The following GRIK1 variants were observed in gnomAD, a reference collection of about 807,000 sequenced individuals.
GRIK1 encodes the protein glutamate ionotropic receptor kainate type subunit 1, also known as glutamate receptor ionotropic, kainate 1.
GRIK1 carries 69 observed loss-of-function variants against 105.7 expected under a neutral mutation model. That is an observed-to-expected ratio of 0.65 (90% CI 0.54 to 0.80). GRIK1 has a LOEUF of 0.80. Among genes scored for constraint, GRIK1 ranks in the 30% least tolerant of loss-of-function variants. GRIK1 has a pLI of 0.00. For missense variants in GRIK1, 1,109 were observed against 1,167.3 expected, an observed-to-expected ratio of 0.95 and a Z score of 0.73; for synonymous variants, 438 against 431.3, an observed-to-expected ratio of 1.02 and a Z score of -0.19.
At chr21:29,837,888 G>GC (rs974898292) in intron 1 of GRIK1, among the ~76,000 whole-genome samples, 3 of 152,002 alleles carry the variant, frequency 2.0e-5, no homozygotes, top group African/African-American at 7.2e-5. Flanking sequence ...TCTATATTTT[G>GC]CCCCAAGAAA....
intron 13 of GRIK1, 57 bp downstream of exon 13, chr21:29,581,368 T>C (rs562486144): frequency 1.0e-6 from 1 of 988,648 alleles, no homozygotes; most frequent in Non-Finnish European, 1.6e-6. Context: ...TTTACCAGCA[T>C]GAAAGCCTGT....
chr21:29,856,257 C>T (rs1197772332), intron 1 of GRIK1, among the ~76,000 whole-genome samples: 3 of 152,072 alleles, frequency 2.0e-5, no homozygotes, highest in Non-Finnish European at 4.4e-5. Flanking sequence ...GAAGATGAAC[C>T]AGCAGAGGAG....
intron 1 of GRIK1, among the ~76,000 whole-genome samples, chr21:29,780,964 A>C (rs1381725004): frequency 1.3e-5 from 2 of 152,150 alleles, no homozygotes; most frequent in East Asian, 1.9e-4. Flanking sequence ...CCAACCCCTC[A>C]ACCTCAGATT....
At chr21:29,753,614 A>G (rs1381923062) in intron 1 of GRIK1, among the ~76,000 whole-genome samples, 1 of 152,250 alleles carries the variant, frequency 6.6e-6, no homozygotes, top group African/African-American at 2.4e-5. Context: ...AGAAATGGGA[A>G]CAAGAAACAG....
chr21:29,681,492 G>C (rs574048444), intron 3 of GRIK1, among the ~76,000 whole-genome samples: 1 of 152,158 alleles, frequency 6.6e-6, no homozygotes, highest in Non-Finnish European at 1.5e-5. Context: ...TGTTCTGTCT[G>C]ACTAGAACCG....
At chr21:29,886,560 CTG>C (rs1258281198) in intron 1 of GRIK1, among the ~76,000 whole-genome samples, 1 of 152,094 alleles carries the variant, frequency 6.6e-6, no homozygotes, top group Admixed American at 6.6e-5. Flanking sequence ...GTACAAGACA[CTG>C]TAGGGAATTA....
chr21:29,642,973 T>C lies in GRIK1; in HGVS notation c.955-4A>G, dbSNP rs2062544928. On this transcript the variant is annotated splice_region_variant and splice_polypyrimidine_tract_variant and intron_variant, in intron 6 of 17. Coordinates refer to ENST00000327783, the MANE Select transcript of GRIK1 (RefSeq NM_001330994.2). ...CGTACATCAGAGCCGCTTCAGTCTG[T>C]GGAGGAAAACACACACCGCATCTTA... 4.3e-6 allele frequency: 7 copies of C among 1,612,576 alleles called. No individual in the cohort carries two copies. Among genetic ancestry groups the C allele is most frequent in the Non-Finnish European group, 3.4e-6 (4 of 1,179,254 alleles).
intron 7 of GRIK1, among the ~76,000 whole-genome samples, chr21:29,633,124 A>T (rs912876899): frequency 6.6e-6 from 1 of 152,192 alleles, no homozygotes; most frequent in African/African-American, 2.4e-5. Flanking sequence ...CTTTTCCACC[A>T]TGTGGAAACA....
chr21:29,810,155 G>C (rs1024147176), intron 1 of GRIK1, among the ~76,000 whole-genome samples: 3 of 151,986 alleles, frequency 2.0e-5, no homozygotes, highest in Non-Finnish European at 4.4e-5. Flanking sequence ...AAATTAGCTG[G>C]GCATGGCAGC....
chr21:29,631,029 A>G (rs1262582906), intron 7 of GRIK1, among the ~76,000 whole-genome samples: 2 of 151,966 alleles, frequency 1.3e-5, no homozygotes, highest in Admixed American at 1.3e-4. Flanking sequence ...GCTGGTCTAG[A>G]ACTCCTGAAC....
intron 1 of GRIK1, among the ~76,000 whole-genome samples, chr21:29,865,550 A>G (rs1041334601): frequency 2.0e-5 from 3 of 152,184 alleles, no homozygotes; most frequent in Non-Finnish European, 4.4e-5. Context: ...CACAATGAAG[A>G]CAAGCAGATT....
intron 9 of GRIK1, among the ~76,000 whole-genome samples, chr21:29,594,432 C>A (rs114688775): frequency 3.9e-5 from 6 of 152,032 alleles, no homozygotes; most frequent in Non-Finnish European, 7.4e-5. Context: ...CTCCAGGGAG[C>A]GGAACCTCAG....
intron 1 of GRIK1, among the ~76,000 whole-genome samples, chr21:29,719,453 CT>C (rs1231475561): frequency 6.6e-6 from 1 of 152,096 alleles, no homozygotes; most frequent in East Asian, 1.9e-4. Flanking sequence ...GTTCCTTTAT[CT>C]TCATCAGTTT....
At chr21:29,805,016 C>A (rs551488943) in intron 1 of GRIK1, among the ~76,000 whole-genome samples, 16 of 152,192 alleles carry the variant, frequency 1.1e-4, no homozygotes, top group African/African-American at 3.6e-4. Context: ...CTTTGTTTGC[C>A]TAACCAGCCT....
chr21:29,674,289 G>T (rs770827186), intron 3 of GRIK1, among the ~76,000 whole-genome samples: 21 of 142,382 alleles, frequency 1.5e-4, no homozygotes, highest in Non-Finnish European at 3.0e-4. Context: ...AGTTACATTT[G>T]TGTGTGTGTG....
chr21:29,691,745 G>T (rs363508), intron 2 of GRIK1, among the ~76,000 whole-genome samples: 14,606 of 152,138 alleles, frequency 0.096, 1,266 homozygotes, highest in African/African-American at 0.2. Context: ...AAAATAGTTT[G>T]AAAAATGATA....
At chr21:29,610,940 G>T (rs566175079) in intron 7 of GRIK1, among the ~76,000 whole-genome samples, 2 of 152,238 alleles carry the variant, frequency 1.3e-5, no homozygotes, top group African/African-American at 4.8e-5. Flanking sequence ...GGCTTCCATG[G>T]TCAATGAACA....
chr21:29,852,124 C>T (rs1212814397), intron 1 of GRIK1, among the ~76,000 whole-genome samples: 1 of 152,146 alleles, frequency 6.6e-6, no homozygotes, highest in East Asian at 1.9e-4. Flanking sequence ...CTGATGTCAG[C>T]CTCAGCTCAC....
intron 1 of GRIK1, among the ~76,000 whole-genome samples, chr21:29,933,713 A>C (rs1245916635): frequency 1.3e-5 from 2 of 152,132 alleles, no homozygotes; most frequent in South Asian, 2.1e-4. Flanking sequence ...ATAAACTATA[A>C]ATTTGTTATT....
Sources: gnomAD v4.1 joint callset for allele counts (sites outside exome capture counted in the v4.1 genomes callset) on GRCh38, gnomAD v4.1.1 for gene constraint, MANE v1.5 for transcripts, NCBI Gene and HGNC (gene_info 2026-07-23, HGNC 2026-07-21) for gene names.